HPSE2: variants seen among roughly 807,000 people sequenced by gnomAD.
HPSE2 encodes inactive heparanase-2.
Under a neutral mutation model 60.5 loss-of-function variants are expected in HPSE2, and 38 were observed. That is an observed-to-expected ratio of 0.63 (90% CI 0.48 to 0.82). HPSE2 has a LOEUF of 0.82. Among genes scored for constraint, HPSE2 ranks in the 40% least tolerant of loss-of-function variants. HPSE2 has a pLI of 0.00. For missense variants in HPSE2, 713 were observed against 740.4 expected, an observed-to-expected ratio of 0.96 and a Z score of 0.43; for synonymous variants, 295 against 293.2, an observed-to-expected ratio of 1.01 and a Z score of -0.06.
At chr10:98,715,416 A>G (rs868613985) in intron 5 of HPSE2, among the ~76,000 whole-genome samples, 1 of 151,902 alleles carries the variant, frequency 6.6e-6, no homozygotes, top group Non-Finnish European at 1.5e-5. Context: ...TTTATTTTTA[A>G]AGCACTGGAT....
At chr10:98,461,832 AAAC>A in intron 11 of HPSE2, 1 of 1,583,872 alleles carries the variant, frequency 6.3e-7, no homozygotes, top group South Asian at 1.1e-5. Flanking sequence ...GGGGAGTGCA[AAAC>A]AACGTGTGAT....
At chr10:99,074,105 C>T (rs1220874000) in intron 3 of HPSE2, among the ~76,000 whole-genome samples, 12 of 151,886 alleles carry the variant, frequency 7.9e-5, no homozygotes, top group East Asian at 3.9e-4. Flanking sequence ...TGAACAGAAG[C>T]GATGTGAGTT....
intron 3 of HPSE2, among the ~76,000 whole-genome samples, chr10:98,870,118 A>C (rs988646890): frequency 1.3e-5 from 2 of 152,194 alleles, no homozygotes; most frequent in African/African-American, 2.4e-5. Flanking sequence ...ATAATGTAGA[A>C]AGATGTCAGA....
intron 3 of HPSE2, among the ~76,000 whole-genome samples, chr10:98,752,855 C>T (rs2134359214): frequency 6.6e-6 from 1 of 152,192 alleles, no homozygotes; most frequent in Non-Finnish European, 1.5e-5. Context: ...GAATACTACT[C>T]AGCCATAAAA....
intron 3 of HPSE2, among the ~76,000 whole-genome samples, chr10:98,913,535 T>C (rs964798473): frequency 6.6e-6 from 1 of 152,172 alleles, no homozygotes; most frequent in South Asian, 2.1e-4. Context: ...GAAAAAAGAA[T>C]TGATCTTAGA....
In HPSE2 at chr10:99,053,933, A is replaced by G. The variant is rs565273958; in HGVS notation, c.610+90305T>C. Among the ~76,000 whole-genome samples the G allele has an allele frequency of 4.0e-5, 6 of 149,736 alleles. No homozygotes were observed. The South Asian group carries it at 1.1e-3, about 27-fold the overall frequency. On this transcript the variant is annotated intron_variant, in intron 3 of 11. Transcript: ENST00000370552. ...TGTATTTTAGTAGAGATGGAGTTTC[A>G]CCATGTTGCTCAGGCTGGTCTCGAA...
At chr10:98,535,354 C>G (rs897944719) in intron 9 of HPSE2, among the ~76,000 whole-genome samples, 1 of 151,568 alleles carries the variant, frequency 6.6e-6, no homozygotes, top group Non-Finnish European at 1.5e-5. Flanking sequence ...CCTACCAATT[C>G]CTGAAGGAGC....
chr10:99,103,476 A>G (rs1844100839), intron 3 of HPSE2, among the ~76,000 whole-genome samples: 1 of 152,192 alleles, frequency 6.6e-6, no homozygotes, highest in Admixed American at 6.5e-5. Context: ...GCTCAATGAA[A>G]TAAAAGAGGA....
At chr10:98,876,409 CATGGAAATACTCTAA>C (rs1256328496) in intron 3 of HPSE2, among the ~76,000 whole-genome samples, 2 of 151,688 alleles carry the variant, frequency 1.3e-5, no homozygotes, top group Admixed American at 1.3e-4. Context: ...TCAAATGTTC[CATGGAAATACTCTAA>C]AATTTCTTAG....
chr10:99,046,310 T>A (rs1957853655), intron 3 of HPSE2, among the ~76,000 whole-genome samples: 1 of 152,040 alleles, frequency 6.6e-6, no homozygotes, highest in African/African-American at 2.4e-5. Context: ...CTCAACAAAC[T>A]AAGCACTGAA....
At chr10:99,120,502 T>G (rs1291026704) in intron 3 of HPSE2, among the ~76,000 whole-genome samples, 3 of 152,080 alleles carry the variant, frequency 2.0e-5, no homozygotes, top group East Asian at 1.9e-4. Flanking sequence ...AGACAGAGTT[T>G]CACTCTTGTT....
chr10:98,629,270 A>C (rs567979792), intron 7 of HPSE2, among the ~76,000 whole-genome samples: 1 of 152,314 alleles, frequency 6.6e-6, no homozygotes, highest in Admixed American at 6.5e-5. Flanking sequence ...GTTGGAAATC[A>C]ACCTTCCCCA....
At chr10:98,653,677 T>C (rs1280374221) in intron 6 of HPSE2, among the ~76,000 whole-genome samples, 3 of 152,076 alleles carry the variant, frequency 2.0e-5, no homozygotes, top group Non-Finnish European at 4.4e-5. Context: ...ATTTCCCTTA[T>C]ATATATGCTA....
intron 3 of HPSE2, among the ~76,000 whole-genome samples, chr10:98,867,427 A>G (rs1167132357): frequency 7.9e-5 from 12 of 152,178 alleles, no homozygotes; most frequent in Non-Finnish European, 1.3e-4. Context: ...AGAGAAATGG[A>G]AATCAAAACC....
At position 98,936,978 on chromosome 10, in the gene HPSE2, C is replaced by CAAAAA. The variant is rs1214450704; in HGVS notation, c.611-192927_611-192923dup. Among the ~76,000 whole-genome samples, 28 of 31,018 alleles carry CAAAAA rather than the reference C, an allele frequency of 9.0e-4. 3 individuals are homozygous for CAAAAA. The highest frequency in any genetic ancestry group is 2.6e-3 in the African/African-American group (22 of 8,434). The allele number at this position is 31,018 out of a possible 152,430, so 20.3% of individuals were successfully genotyped here. ...TGGGCGACAGTAGGAGACTCCATCT[C>CAAAAA]AAAAAAAAAAAAAAAAAAAAAAAAA... On this transcript the variant is annotated intron_variant, in intron 3 of 11. Coordinates refer to ENST00000370552, the MANE Select transcript of HPSE2 (RefSeq NM_021828.5).
intron 6 of HPSE2, among the ~76,000 whole-genome samples, chr10:98,659,191 T>C (rs1237893308): frequency 6.6e-6 from 1 of 152,202 alleles, no homozygotes; most frequent in Non-Finnish European, 1.5e-5. Context: ...TCCCTCAGTA[T>C]ATGTGGGGGA....
intron 8 of HPSE2, among the ~76,000 whole-genome samples, chr10:98,615,829 T>C (rs1217030849): frequency 2.0e-5 from 3 of 152,204 alleles, no homozygotes; most frequent in Non-Finnish European, 4.4e-5. Flanking sequence ...CTTGTAATAA[T>C]ACATAGAATA....
chr10:99,044,166 A>G (rs995542067), intron 3 of HPSE2, among the ~76,000 whole-genome samples: 1 of 152,238 alleles, frequency 6.6e-6, no homozygotes, highest in African/African-American at 2.4e-5. Context: ...TCTCAGCAGA[A>G]ACCTTAAAAG....
intron 3 of HPSE2, among the ~76,000 whole-genome samples, chr10:98,948,206 T>C (rs1445323999): frequency 2.0e-5 from 3 of 152,176 alleles, no homozygotes; most frequent in Admixed American, 6.6e-5. Context: ...AAATTCCTGC[T>C]GGAGAAGACT....
Sources: allele counts gnomAD v4.1 joint callset (sites outside exome capture counted in the v4.1 genomes callset), GRCh38; gene constraint gnomAD v4.1.1; transcripts MANE v1.5; gene names NCBI Gene and HGNC (gene_info 2026-07-23, HGNC 2026-07-21).